Variants in HIVEP3 observed in about 807,000 individuals in gnomAD.
HIVEP3 encodes HIVEP zinc finger 3, also known as transcription factor HIVEP3.
In HIVEP3, 49 loss-of-function variants were observed where a neutral mutation model predicts 152.8. The ratio of observed to expected loss-of-function variants is 0.32; its 90% CI spans 0.26 to 0.41. The LOEUF (loss-of-function observed/expected upper bound fraction) is 0.41, where lower values mean the gene tolerates loss of function less well. HIVEP3 is among the 10% of genes least tolerant of loss of function. HIVEP3 has a pLI of 1.00. For missense variants in HIVEP3, 2,790 were observed against 3,103.3 expected, an observed-to-expected ratio of 0.90 and a Z score of 2.40; for synonymous variants, 1,269 against 1,289.0, an observed-to-expected ratio of 0.98 and a Z score of 0.33.
chr1:41,697,191 T>C (rs774046528), intron 2 of HIVEP3, among the ~76,000 whole-genome samples: 8 of 152,106 alleles, frequency 5.3e-5, no homozygotes, highest in Non-Finnish European at 7.4e-5. Flanking sequence ...TTGATGGAGA[T>C]GGAAACCGAG....
At chr1:41,945,666 A>G (rs969785732) in intron 1 of HIVEP3, among the ~76,000 whole-genome samples, 1 of 152,176 alleles carries the variant, frequency 6.6e-6, no homozygotes, top group Admixed American at 6.5e-5. Flanking sequence ...GAATCAGAAC[A>G]TGGAGATTGG....
intron 5 of HIVEP3, among the ~76,000 whole-genome samples, chr1:41,555,423 AG>A (rs1378289179): frequency 6.6e-6 from 1 of 152,228 alleles, no homozygotes; most frequent in Admixed American, 6.5e-5. Context: ...TGGCTAGGAA[AG>A]GGAAATCCCC....
intron 1 of HIVEP3, among the ~76,000 whole-genome samples, chr1:41,705,396 G>T (rs1001869396): frequency 6.6e-6 from 1 of 152,194 alleles, no homozygotes; most frequent in Admixed American, 6.5e-5. Flanking sequence ...ATCCACACTG[G>T]ATCTTCAGGA....
intron 1 of HIVEP3, among the ~76,000 whole-genome samples, chr1:41,868,649 C>G (rs1570703940): frequency 1.3e-5 from 2 of 152,306 alleles, no homozygotes; most frequent in East Asian, 3.9e-4. Context: ...CTGTGCGTGG[C>G]TCTCCCGCAC....
At chr1:41,588,868 C>T (rs6693736) in intron 3 of HIVEP3, among the ~76,000 whole-genome samples, 122 of 152,010 alleles carry the variant, frequency 8.0e-4, no homozygotes, top group African/African-American at 2.8e-3. Context: ...CCTGCTCTAC[C>T]ACACCATGAC....
chr1:41,704,819 C>T (rs1044765429), intron 1 of HIVEP3, among the ~76,000 whole-genome samples: 1 of 152,222 alleles, frequency 6.6e-6, no homozygotes, highest in Admixed American at 6.5e-5. Flanking sequence ...AAGGCATTGT[C>T]AAGATCATAG....
At chr1:41,641,627 T>G (rs1645374077) in intron 2 of HIVEP3, among the ~76,000 whole-genome samples, 1 of 152,218 alleles carries the variant, frequency 6.6e-6, no homozygotes, top group African/African-American at 2.4e-5. Context: ...CATCAGTTAT[T>G]TACATTGTCA....
At chr1:41,941,515 T>A (rs1645046114) in intron 1 of HIVEP3, among the ~76,000 whole-genome samples, 1 of 152,160 alleles carries the variant, frequency 6.6e-6, no homozygotes, top group Admixed American at 6.6e-5. Flanking sequence ...GGAATTCCCA[T>A]CTGATGGCTT....
At position 41,511,972 on chromosome 1, in the gene HIVEP3, T is replaced by C. The variant is rs1056128852; in HGVS notation, c.6406-706A>G. ...GGATAGTGCTGATGGTTGACAAGGA[T>C]GATATTGGTTGTGGTGTCTCTGAGA... On this transcript the variant is annotated intron_variant, in intron 8 of 8. Coordinates refer to ENST00000372583, the MANE Select transcript of HIVEP3 (RefSeq NM_024503.5). The surrounding 1 kb of genome is among the most constrained non-coding windows in gnomAD (Gnocchi z 4.9). Among the ~76,000 whole-genome samples the C allele has an allele frequency of 2.6e-5, 4 of 151,992 alleles. No individual in the cohort carries two copies. The highest frequency in any genetic ancestry group is 2.6e-4 in the Admixed American group (4 of 15,282).
chr1:41,910,157 T>C (rs890587511), intron 1 of HIVEP3, among the ~76,000 whole-genome samples: 8 of 151,912 alleles, frequency 5.3e-5, no homozygotes, highest in African/African-American at 1.7e-4. Flanking sequence ...TTAGAGATAG[T>C]CTCTAATAAC....
chr1:41,722,471 T>TTCCCTCTCCCC (rs1646691203), intron 1 of HIVEP3, among the ~76,000 whole-genome samples: 1 of 134,024 alleles, frequency 7.5e-6, no homozygotes, highest in Non-Finnish European at 1.6e-5. Flanking sequence ...CTTCCTCCCC[T>TTCCCTCTCCCC]TCCCTCTCCC....
chr1:41,624,673 T>C (rs752606998), intron 3 of HIVEP3, among the ~76,000 whole-genome samples: 7 of 152,118 alleles, frequency 4.6e-5, no homozygotes, highest in Non-Finnish European at 1.0e-4. Context: ...TCATAAATGA[T>C]TGTGGGGCTT....
chr1:41,802,451 A>G (rs942271987), intron 1 of HIVEP3, among the ~76,000 whole-genome samples: 1 of 152,150 alleles, frequency 6.6e-6, no homozygotes, highest in Non-Finnish European at 1.5e-5. Flanking sequence ...CCTGGGCTCA[A>G]GCAGTCCTCC....
rs996293553 is a variant in HIVEP3 at position 41,533,075 on chromosome 1, C to T, written c.5208-8165G>A. On this transcript the variant is annotated intron_variant, in intron 5 of 8. Transcript: ENST00000372583. The surrounding 1 kb of genome is among the most constrained non-coding windows in gnomAD (Gnocchi z 4.3). ...GACATCCCAGAGAGCTTGAGGAAGACGGCTGCTGAGGACCCAGGACTTGAA... is the reference window on the plus strand; with the variant it reads ...GACATCCCAGAGAGCTTGAGGAAGATGGCTGCTGAGGACCCAGGACTTGAA... 9.2e-5 allele frequency among the ~76,000 whole-genome samples: 14 copies of T among 152,154 alleles called. No individual in the cohort carries two copies. The highest frequency in any genetic ancestry group is 2.9e-4 in the African/African-American group (12 of 41,422).
chr1:41,878,230 T>G (rs1020550280), intron 1 of HIVEP3, among the ~76,000 whole-genome samples: 2 of 152,152 alleles, frequency 1.3e-5, no homozygotes, highest in African/African-American at 4.8e-5. Flanking sequence ...CTGAGGAGAA[T>G]TTAGGTCTGT....
chr1:41,510,704 C>T lies in HIVEP3; in HGVS notation c.6968G>A (p.Arg2323Gln), dbSNP rs200138511. The change falls in exon 9 of 9, where the codon CGG becomes CAG. Residue 2323 changes from arginine (R) to glutamine (Q), a missense_variant. This residue lies in a region of HIVEP3 where 816 missense variants were observed against 806.5 expected (regional missense o/e 1.01). Coordinates refer to ENST00000372583, the MANE Select transcript of HIVEP3 (RefSeq NM_024503.5). ...DTLPRPPQGR[R>Q]AAQSWSPRLE... ...GCGGGGGCTCCAGGACTGCGCTGCC[C>T]GGCGTCCCTGGGGCGGCCGGGGCAA... 11,441 of 1,526,540 alleles carry T rather than the reference C, an allele frequency of 7.5e-3. 164 individuals are homozygous for T. The highest frequency in any genetic ancestry group is 0.044 in the South Asian group (3,550 of 81,076). The allele number at this position is 1,526,540 out of a possible 1,614,324, so 94.6% of individuals were successfully genotyped here. A position where few individuals can be genotyped will look rare whatever the true frequency, so the allele number is the denominator to read the frequency against.
In HIVEP3 at chr1:41,513,475, T is replaced by G. The variant is rs1327802367; in HGVS notation, c.5746A>C (p.Ser1916Arg). 1 of 1,610,886 alleles carries G rather than the reference T, an allele frequency of 6.2e-7. No homozygotes were observed. Among genetic ancestry groups the G allele is most frequent in the East Asian group, 2.2e-5 (1 of 44,820 alleles). The part of the protein sequence containing the change: ...PASGTEATRG[S>R]SVSEAERLTA... ...AGGCGCTCAGCTTCCGAGACCGAGCTGCCTCGTGTAGCCTCCGTGCCAGAG... is the reference window on the plus strand; with the variant it reads ...AGGCGCTCAGCTTCCGAGACCGAGCGGCCTCGTGTAGCCTCCGTGCCAGAG... The change falls in exon 8 of 9, where the codon AGC becomes CGC. Residue 1916 changes from serine (S) to arginine (R), a missense_variant. Ser to Arg is a moderately radical substitution (Grantham distance 110, BLOSUM62 -1). Transcript: ENST00000372583.
intron 5 of HIVEP3, among the ~76,000 whole-genome samples, chr1:41,548,610 A>C (rs1462746355): frequency 6.6e-6 from 1 of 151,458 alleles, no homozygotes; most frequent in Admixed American, 6.6e-5. Context: ...ATATCGGCTC[A>C]TTGCAACCTC....
intron 2 of HIVEP3, among the ~76,000 whole-genome samples, chr1:41,674,689 G>A (rs1445140315): frequency 6.6e-6 from 1 of 152,186 alleles, no homozygotes; most frequent in East Asian, 1.9e-4. Flanking sequence ...CGGCCACCAG[G>A]ATGGAATCCT....
Sources: gnomAD v4.1 joint callset for allele counts (sites outside exome capture counted in the v4.1 genomes callset) on GRCh38, gnomAD v4.1.1 for gene constraint, gnomAD v4.1.1 regional missense constraint, Gnocchi (gnomAD v3.1) non-coding constraint, MANE v1.5 for transcripts, NCBI Gene and HGNC (gene_info 2026-07-23, HGNC 2026-07-21) for gene names.